The following GALNT15 variants were observed in gnomAD, a reference collection of about 807,000 sequenced individuals.
GALNT15 encodes UDP-GalNAc transferase T15.
Under a neutral mutation model 66.8 loss-of-function variants are expected in GALNT15, and 67 were observed. The observed-to-expected ratio is 1.00, with a 90% CI of 0.82 to 1.23. The LOEUF is 1.23. Among genes scored for constraint, GALNT15 ranks in the 50% most tolerant of loss-of-function variants. The probability of loss-of-function intolerance (pLI) is 0.00; values close to 1 mark genes in which losing one functional copy is unlikely to be tolerated. For missense variants in GALNT15, 827 were observed against 804.3 expected (o/e 1.03, Z -0.34); for synonymous variants, 313 against 311.5 (o/e 1.00, Z -0.05).
At chr3:16,246,977 C>T in the GALNT15 span, among the ~76,000 whole-genome samples, 1 of 152,100 alleles carries the variant, frequency 6.6e-6, no homozygotes, top group Non-Finnish European at 1.5e-5. Flanking sequence ...TATATATTTA[C>T]CATTGTGTTT....
At chr3:16,194,004 A>G (rs2063606684) in intron 1 of GALNT15, among the ~76,000 whole-genome samples, 1 of 152,188 alleles carries the variant, frequency 6.6e-6, no homozygotes, top group South Asian at 2.1e-4. Context: ...CCCTGTTCAC[A>G]GACAGCCCCT....
downstream of GALNT15, among the ~76,000 whole-genome samples, chr3:16,235,212 C>T (rs750710011): frequency 2.6e-5 from 4 of 152,092 alleles, no homozygotes; most frequent in South Asian, 4.1e-4. Context: ...TGTGAGCCAC[C>T]GTGCCTGGCC....
Position 16,212,762 on chromosome 3 carries a change from A to T in GALNT15, c.1391A>T (p.Lys464Met). 6.2e-7 allele frequency: 1 copy of T among 1,611,754 alleles called. No homozygotes were observed. Among genetic ancestry groups the T allele is most frequent in the Non-Finnish European group, 8.5e-7 (1 of 1,179,146 alleles). The part of the protein sequence containing the change: ...KHSPEAFSLS[K>M]AEKPDCMERL... ...AGCCCAGAGGCCTTCTCCTTGAGCA[A>T]GGTAAGGAGAGAGCCAAGTGGGGCT... The change falls in exon 6 of 10, where the codon AAG becomes ATG. Residue 464 changes from lysine to methionine, a missense_variant and splice_region_variant. Transcript: ENST00000339732.
At chr3:16,199,823 C>T (rs1217368011) in intron 2 of GALNT15, among the ~76,000 whole-genome samples, 3 of 152,088 alleles carry the variant, frequency 2.0e-5, no homozygotes, top group South Asian at 2.1e-4. Context: ...CAGCAGAGAC[C>T]GTTTTAATAC....
At chr3:16,178,268 T>G (rs1229010681) in intron 1 of GALNT15, among the ~76,000 whole-genome samples, 2 of 152,124 alleles carry the variant, frequency 1.3e-5, no homozygotes, top group African/African-American at 4.8e-5. Flanking sequence ...TTTTGTGCTG[T>G]GTGTGTTTGA....
intron 4 of GALNT15, among the ~76,000 whole-genome samples, chr3:16,210,111 C>T (rs560356279): frequency 6.6e-6 from 1 of 152,258 alleles, no homozygotes; most frequent in Non-Finnish European, 1.5e-5. Context: ...ACATCAAAAT[C>T]CAGTGAGCGT....
chr3:16,208,973 A>G (rs1284447006), intron 4 of GALNT15, among the ~76,000 whole-genome samples: 1 of 152,224 alleles, frequency 6.6e-6, no homozygotes, highest in Non-Finnish European at 1.5e-5. Context: ...AGGGTCTTCC[A>G]GATAGCATCA....
rs1273709643 is a variant in GALNT15, at chr3:16,181,428, A to G, written c.539+5738A>G. ...AGGGATATCTTCTGCTTTGTTCCCC[A>G]CTTCCTGCCCCAGAGGCCATAATGG... On this transcript the variant is annotated intron_variant, in intron 1 of 9. Transcript: ENST00000339732. The surrounding 1 kb of genome is among the most constrained non-coding windows in gnomAD (Gnocchi z 5.9). Among the ~76,000 whole-genome samples the G allele has an allele frequency of 6.6e-6, 1 of 151,996 alleles. No individual in the cohort carries two copies. Among genetic ancestry groups the G allele is most frequent in the East Asian group, 1.9e-4 (1 of 5,142 alleles).
rs563087680 is a variant in GALNT15 at position 16,204,468 on chromosome 3, A to C, written c.911+3645A>C. Among the ~76,000 whole-genome samples the C allele has an allele frequency of 1.7e-4, 26 of 152,260 alleles. No individual in the cohort carries two copies. Among genetic ancestry groups the C allele is most frequent in the Admixed American group, 1.6e-3 (25 of 15,290 alleles). ...CCCTACATAGAGTCTCCCTATGGGC[A>C]ACTGATTTTAGGGCAGCCCTGGGAG... On this transcript the variant is annotated intron_variant, in intron 3 of 9. Coordinates refer to ENST00000339732, the MANE Select transcript of GALNT15 (RefSeq NM_054110.5). The surrounding 1 kb of genome is among the most constrained non-coding windows in gnomAD (Gnocchi z 4.5).
In GALNT15 at chr3:16,204,445, C is replaced by G. The variant is rs913923855; in HGVS notation, c.911+3622C>G. Among the ~76,000 whole-genome samples the G allele has an allele frequency of 1.3e-5, 2 of 152,118 alleles. No individual in the cohort carries two copies. Among genetic ancestry groups the G allele is most frequent in the Non-Finnish European group, 2.9e-5 (2 of 68,000 alleles). On this transcript the variant is annotated intron_variant, in intron 3 of 9. Transcript: ENST00000339732. The surrounding 1 kb of genome is among the most constrained non-coding windows in gnomAD (Gnocchi z 4.5). ...ACTCCTGTAACTGTTCATAGCAACC[C>G]TACATAGAGTCTCCCTATGGGCAAC...
intron 9 of GALNT15, among the ~76,000 whole-genome samples, chr3:16,226,199 G>A (rs779619056): frequency 3.1e-4 from 47 of 152,178 alleles, no homozygotes; most frequent in Admixed American, 1.2e-3. Flanking sequence ...AGGGAGGAAT[G>A]GGGAGTGACT....
downstream of GALNT15, among the ~76,000 whole-genome samples, chr3:16,232,465 AATAAATATATAT>A (rs1408989159): frequency 3.5e-5 from 1 of 28,636 alleles, no homozygotes; most frequent in Non-Finnish European, 7.0e-5. Flanking sequence ...TAAATAAATA[AATAAATATATAT>A]ATATATATAT....
intron 6 of GALNT15, among the ~76,000 whole-genome samples, chr3:16,217,725 A>G (rs2063894703): frequency 6.6e-6 from 1 of 152,176 alleles, no homozygotes; most frequent in Admixed American, 6.5e-5. Context: ...GGTCAAACAA[A>G]GATTGGGTAG....
At chr3:16,232,122 C>A (rs888683538), downstream of GALNT15, 58 of 540,366 alleles carry the variant, frequency 1.1e-4, no homozygotes, top group Non-Finnish European at 1.6e-4. Context: ...CCAACCCAAA[C>A]CATATGGCTA....
rs78666663 is a variant in GALNT15 at position 16,203,541 on chromosome 3, T to A, written c.911+2718T>A. 0.02 allele frequency among the ~76,000 whole-genome samples: 1,171 copies of A among 58,520 alleles called. 16 individuals are homozygous for A. Among genetic ancestry groups the A allele is most frequent in the African/African-American group, 0.055 (1,025 of 18,698 alleles). The allele number at this position is 58,520 out of a possible 152,430, so 38.4% of individuals were successfully genotyped here. Reference sequence around the variant, plus strand: ...CTCATTCTCTCTCTCTCTCTCTCTCTCTCACACACACACACACACACACAC... The same window carrying A: ...CTCATTCTCTCTCTCTCTCTCTCTCACTCACACACACACACACACACACAC... On this transcript the variant is annotated intron_variant, in intron 3 of 9. Coordinates refer to ENST00000339732, the MANE Select transcript of GALNT15 (RefSeq NM_054110.5). This position sits in a 1 kb window ranked among gnomAD's most constrained non-coding sequence, Gnocchi z 6.2.
At chr3:16,215,057 G>A (rs1233377608) in intron 6 of GALNT15, among the ~76,000 whole-genome samples, 1 of 152,248 alleles carries the variant, frequency 6.6e-6, no homozygotes, top group East Asian at 1.9e-4. Flanking sequence ...AGTGTTAAAT[G>A]TTGCATAGTT....
chr3:16,243,744 T>G, the GALNT15 span, among the ~76,000 whole-genome samples: 1 of 152,154 alleles, frequency 6.6e-6, no homozygotes. Context: ...TCCTAATAAT[T>G]TGTATCTAGG....
In GALNT15 at chr3:16,227,895, G is replaced by T. The variant is rs1044909109; in HGVS notation, c.*395G>T. On this transcript the variant is annotated 3_prime_UTR_variant, in exon 10 of 10. Coordinates refer to ENST00000339732, the MANE Select transcript of GALNT15 (RefSeq NM_054110.5). This position sits in a 1 kb window ranked among gnomAD's most constrained non-coding sequence, Gnocchi z 4.5. ...TTTGTCTTCAAATGGCCTTAACTTGGATTGTCTGTTTGGCCAACCATGAAA... is the reference window on the plus strand; with the variant it reads ...TTTGTCTTCAAATGGCCTTAACTTGTATTGTCTGTTTGGCCAACCATGAAA... The T allele has an allele frequency of 9.9e-7, 1 of 1,008,130 alleles. No individual in the cohort carries two copies. The allele number at this position is 1,008,130 out of a possible 1,614,324, so 62.4% of individuals were successfully genotyped here. A position where few individuals can be genotyped will look rare whatever the true frequency, so the allele number is the denominator to read the frequency against.
At chr3:16,243,026 GC>G in the GALNT15 span, among the ~76,000 whole-genome samples, 1 of 152,144 alleles carries the variant, frequency 6.6e-6, no homozygotes, top group African/African-American at 2.4e-5. Context: ...ACTCTGAGAT[GC>G]CCACAGAACA....
Sources: gnomAD v4.1 joint callset for allele counts (sites outside exome capture counted in the v4.1 genomes callset) on GRCh38, gnomAD v4.1.1 for gene constraint, Gnocchi (gnomAD v3.1) non-coding constraint, MANE v1.5 for transcripts, NCBI Gene and HGNC (gene_info 2026-07-23, HGNC 2026-07-21) for gene names.